MAP3K13: variants seen among roughly 807,000 people sequenced by gnomAD.
MAP3K13 encodes the protein leucine zipper-bearing kinase.
MAP3K13 carries 52 observed loss-of-function variants against 104.0 expected under a neutral mutation model. The observed-to-expected ratio is 0.50, with a 90% confidence interval of 0.40 to 0.63. MAP3K13 has a LOEUF of 0.63. Ranked by LOEUF, MAP3K13 falls within the 20% of genes least tolerant of loss-of-function variation. MAP3K13 has a pLI of 0.00. For synonymous variants in MAP3K13, 394 were observed against 442.2 expected (o/e 0.89, Z 1.37); for missense variants, 914 against 1,218.5 (o/e 0.75, Z 3.72).
In MAP3K13 at chr3:185,423,385, A is replaced by G. The variant is rs979890248; in HGVS notation, c.-85-5112A>G. Among the ~76,000 whole-genome samples the G allele has an allele frequency of 6.6e-6, 1 of 152,212 alleles. No homozygotes were observed. The highest frequency in any genetic ancestry group is 6.5e-5 in the Admixed American group (1 of 15,276). On this transcript the variant is annotated intron_variant, in intron 1 of 13. Coordinates refer to ENST00000265026, the MANE Select transcript of MAP3K13 (RefSeq NM_004721.5). This position sits in a 1 kb window ranked among gnomAD's most constrained non-coding sequence, Gnocchi z 4.1. ...TGAGTCACTGGCTAGGTCAGATAGT[A>G]TGAAATCAGCAGTCTTAAAAGAGAT...
Position 185,480,360 on chromosome 3 carries a change from T to G in MAP3K13, c.2630T>G (p.Leu877Arg). The G allele has an allele frequency of 6.2e-7, 1 of 1,614,172 alleles. No homozygotes were observed. The highest frequency in any genetic ancestry group is 8.5e-7 in the Non-Finnish European group (1 of 1,180,032). The change falls in exon 13 of 14, where the codon CTT (leucine) becomes CGT (arginine). Residue 877 changes from leucine (L) to arginine (R), a missense_variant. This residue lies in a region of MAP3K13 where 583 missense variants were observed against 737.4 expected (regional missense o/e 0.79). Coordinates refer to ENST00000265026, the MANE Select transcript of MAP3K13 (RefSeq NM_004721.5). ...AGTCCTGATGAGTTAGCTGATAAAC[T>G]TGAAGACCGCTTGGCAGAGAAGCTA... ...SNSPDELADKLEDRLAEKLDD... is the reference protein window; with the variant it reads ...SNSPDELADKREDRLAEKLDD...
intron 2 of MAP3K13, among the ~76,000 whole-genome samples, chr3:185,348,551 T>C (rs1206738773): frequency 1.3e-5 from 2 of 152,222 alleles, no homozygotes; most frequent in Non-Finnish European, 2.9e-5. Context: ...AGGGGACCTA[T>C]GGACATGCTG....
At chr3:185,401,165 T>A (rs1289651025) in intron 1 of MAP3K13, among the ~76,000 whole-genome samples, 1 of 152,170 alleles carries the variant, frequency 6.6e-6, no homozygotes, top group African/African-American at 2.4e-5. Context: ...TCTTTTCAAG[T>A]GATATTTGCA....
At chr3:185,307,390 T>C (rs906604740) in intron 2 of MAP3K13, among the ~76,000 whole-genome samples, 12 of 152,090 alleles carry the variant, frequency 7.9e-5, no homozygotes, top group Non-Finnish European at 1.3e-4. Flanking sequence ...TCTTTTTACT[T>C]TTTGTTGAAT....
At chr3:185,288,850 T>G (rs1390863635) in intron 2 of MAP3K13, among the ~76,000 whole-genome samples, 1 of 152,164 alleles carries the variant, frequency 6.6e-6, no homozygotes, top group Non-Finnish European at 1.5e-5. Context: ...ACTCAAAAAT[T>G]TATTGCTGTT....
At position 185,363,381 on chromosome 3, in the gene MAP3K13, C is replaced by G; in HGVS notation, c.-86+13C>G. 2.0e-6 allele frequency: 2 copies of G among 976,794 alleles called. No individual in the cohort carries two copies. Among genetic ancestry groups the G allele is most frequent in the Non-Finnish European group, 2.4e-6 (2 of 822,128 alleles). 60.5% of individuals were successfully genotyped at this position (976,794 alleles called of 1,614,324 possible). On this transcript the variant is annotated intron_variant, in intron 1 of 13. Transcript: ENST00000265026. Reference sequence around the variant, plus strand: ...ATTCTTCGTTGTTGTGAGTATTGCACTCTGTTTTTCCTGTTTCTTCAGTAT... The same window carrying G: ...ATTCTTCGTTGTTGTGAGTATTGCAGTCTGTTTTTCCTGTTTCTTCAGTAT...
At chr3:185,295,362 G>A (rs1307793184) in intron 2 of MAP3K13, among the ~76,000 whole-genome samples, 3 of 152,154 alleles carry the variant, frequency 2.0e-5, no homozygotes, top group African/African-American at 4.8e-5. Context: ...CCGCCACTAT[G>A]CCTGGCTAAT....
At chr3:185,302,942 C>T (rs1721159515) in intron 2 of MAP3K13, among the ~76,000 whole-genome samples, 1 of 152,096 alleles carries the variant, frequency 6.6e-6, no homozygotes, top group African/African-American at 2.4e-5. Context: ...TTCAGTATTT[C>T]ACCATGGAGT....
At chr3:185,291,794 C>T (rs1720749714) in intron 2 of MAP3K13, 3 of 1,361,008 alleles carry the variant, frequency 2.2e-6, no homozygotes, top group South Asian at 1.9e-5. Context: ...TCCATTAATA[C>T]ATTCCATTTT....
At chr3:185,350,837 T>C (rs1723113909) in intron 2 of MAP3K13, among the ~76,000 whole-genome samples, 1 of 152,196 alleles carries the variant, frequency 6.6e-6, no homozygotes, top group African/African-American at 2.4e-5. Context: ...AAAACAGAAC[T>C]ACCATTCGAC....
At position 185,486,718 on chromosome 3, in the gene MAP3K13, T is replaced by A. The variant is rs1381621820; in HGVS notation, c.*4262T>A. Reference sequence around the variant, plus strand: ...CGTCTGTTTTTAACTGACTGCAAGATGATGAGTTTTAATTTGGGTTGCAGA... The same window carrying A: ...CGTCTGTTTTTAACTGACTGCAAGAAGATGAGTTTTAATTTGGGTTGCAGA... On this transcript the variant is annotated 3_prime_UTR_variant, in exon 14 of 14. Transcript: ENST00000265026. 6.6e-6 allele frequency: 1 copy of A among 152,232 alleles called. No individual in the cohort carries two copies. Among genetic ancestry groups the A allele is most frequent in the African/African-American group, 2.4e-5 (1 of 41,462 alleles). 9.4% of individuals were successfully genotyped at this position (152,232 alleles called of 1,614,324 possible).
intron 2 of MAP3K13, among the ~76,000 whole-genome samples, chr3:185,327,054 T>A (rs1722064980): frequency 6.6e-6 from 1 of 152,286 alleles, no homozygotes; most frequent in Non-Finnish European, 1.5e-5. Flanking sequence ...GTTCTGTAGG[T>A]CAAAAGACCA....
chr3:185,337,467 G>A (rs1373709346), intron 2 of MAP3K13, among the ~76,000 whole-genome samples: 1 of 152,196 alleles, frequency 6.6e-6, no homozygotes, highest in Non-Finnish European at 1.5e-5. Context: ...TAAGAAAAAT[G>A]GGCAAGAGAA....
At chr3:185,389,116 G>T (rs1234574639) in intron 1 of MAP3K13, among the ~76,000 whole-genome samples, 1 of 152,102 alleles carries the variant, frequency 6.6e-6, no homozygotes, top group African/African-American at 2.4e-5. Flanking sequence ...ACATCCAAGA[G>T]TCATTCAGAA....
chr3:185,339,662 C>A (rs1722645674), intron 2 of MAP3K13, among the ~76,000 whole-genome samples: 1 of 152,204 alleles, frequency 6.6e-6, no homozygotes, highest in African/African-American at 2.4e-5. Context: ...CTACCTAATT[C>A]TGCCATTGTA....
intron 2 of MAP3K13, among the ~76,000 whole-genome samples, chr3:185,321,162 CAT>C (rs57659998): frequency 0.092 from 13,767 of 149,398 alleles, 862 homozygotes; most frequent in East Asian, 0.2. Flanking sequence ...CGTGCACACA[CAT>C]ATGCGTGCAC....
In MAP3K13 at chr3:185,424,586, T is replaced by C. The variant is rs77305915; in HGVS notation, c.-85-3911T>C. On this transcript the variant is annotated intron_variant, in intron 1 of 13. Transcript: ENST00000265026. Reference sequence around the variant, plus strand: ...ACTTTGCAAGCAAGTTGTTAAACTTTTATTAGCTTGAAATCTGCTGTGGTG... The same window carrying C: ...ACTTTGCAAGCAAGTTGTTAAACTTCTATTAGCTTGAAATCTGCTGTGGTG... Among the ~76,000 whole-genome samples the C allele has an allele frequency of 3.0e-3, 461 of 152,340 alleles. 22 individuals are homozygous for C. The East Asian group carries it at 0.08, about 27-fold the overall frequency.
At chr3:185,475,902 G>A (rs905584015) in intron 11 of MAP3K13, among the ~76,000 whole-genome samples, 1 of 152,032 alleles carries the variant, frequency 6.6e-6, no homozygotes, top group Non-Finnish European at 1.5e-5. Flanking sequence ...AGTTGATTTG[G>A]GCCGATCCAT....
intron 1 of MAP3K13, among the ~76,000 whole-genome samples, chr3:185,403,292 G>T (rs1301284678): frequency 6.6e-6 from 1 of 152,184 alleles, no homozygotes; most frequent in Non-Finnish European, 1.5e-5. Context: ...CTCCTTGATT[G>T]ATTCAGGGCC....
Sources: allele counts gnomAD v4.1 joint callset (sites outside exome capture counted in the v4.1 genomes callset), GRCh38; gene constraint gnomAD v4.1.1; regional missense constraint gnomAD v4.1.1; non-coding constraint Gnocchi (gnomAD v3.1); transcripts MANE v1.5; gene names NCBI Gene and HGNC (gene_info 2026-07-23, HGNC 2026-07-21).